Variants in DNTTIP2 observed in about 807,000 individuals in gnomAD.
DNTTIP2 encodes deoxynucleotidyltransferase terminal interacting protein 2, also known as deoxynucleotidyltransferase terminal-interacting protein 2.
Under a neutral mutation model 62.4 loss-of-function variants are expected in DNTTIP2, and 47 were observed. That is an observed-to-expected ratio of 0.75 (90% CI 0.60 to 0.96). DNTTIP2 has a LOEUF of 0.96. DNTTIP2 is among the 40% of genes least tolerant of loss of function. The pLI, the probability that DNTTIP2 is intolerant of heterozygous loss-of-function variation, is 0.00. For missense variants in DNTTIP2, 870 were observed against 849.1 expected (o/e 1.02, Z -0.31); for synonymous variants, 322 against 300.9 (o/e 1.07, Z -0.73).
chr1:93,878,026 G>A, intron 1 of DNTTIP2, 164 bp from the exon 2 acceptor site: 3 of 1,124,258 alleles, frequency 2.7e-6, no homozygotes, highest in South Asian at 3.4e-5. Flanking sequence ...TCAAAATTTG[G>A]CCGGGCGCGG....
rs770179314 is a variant in DNTTIP2, at chr1:93,877,748, TA to T, written c.186del (p.Ala64LeufsTer41). ...TGKQSLIPRT[P>X]KARKRKSRTT... The stretch of plus-strand genomic sequence containing the variant: ...GTTCTGCTCTTCCTCTTTCTAGCTT[TA>T]GGAGTTCTAGGGATTAAACTTTGCT... On this transcript the variant is annotated frameshift_variant, in exon 2 of 7. Transcript: ENST00000436063. LOFTEE classifies it high-confidence loss of function. 31 of 1,613,594 alleles carry T rather than the reference TA, an allele frequency of 1.9e-5. No individual in the cohort carries two copies. The highest frequency in any genetic ancestry group is 2.6e-5 in the Non-Finnish European group (31 of 1,179,888).
At position 93,872,242 on chromosome 1, in the gene DNTTIP2, AT is replaced by A. The variant is rs1655882673; in HGVS notation, c.1903-7del. ...GCTGTTTTTTGTCGTTCTTTCTGAA[AT>A]TATGATTTCAAAAATAAACATTCTA... On this transcript the variant is annotated splice_polypyrimidine_tract_variant and splice_region_variant and intron_variant, in intron 4 of 6. Coordinates refer to ENST00000436063, the MANE Select transcript of DNTTIP2 (RefSeq NM_014597.5). 3 of 1,612,298 alleles carry A rather than the reference AT, an allele frequency of 1.9e-6. No homozygotes were observed. Among genetic ancestry groups the A allele is most frequent in the African/African-American group, 2.7e-5 (2 of 74,898 alleles).
Position 93,876,419 on chromosome 1 carries a change from C to T in DNTTIP2, c.1516G>A (p.Glu506Lys). 6.2e-7 allele frequency: 1 copy of T among 1,611,904 alleles called. No homozygotes were observed. The highest frequency in any genetic ancestry group is 8.5e-7 in the Non-Finnish European group (1 of 1,178,718). ...ACCTCACTTGCCTTGTCTTCCTCTT[C>T]CAAGTAAAAATTTTTATCAGCACTC... ...GMSADKNFYL[E>K]EEDKASEVAI... Residue 506 changes from glutamate to lysine, a missense_variant, in exon 2 of 7, where the codon GAA becomes AAA. Glu to Lys is a moderately conservative substitution (Grantham distance 56). Coordinates refer to ENST00000436063, the MANE Select transcript of DNTTIP2 (RefSeq NM_014597.5).
chr1:93,874,079 G>A (rs1324389903), intron 3 of DNTTIP2, among the ~76,000 whole-genome samples: 6 of 152,222 alleles, frequency 3.9e-5, no homozygotes, highest in East Asian at 1.9e-4. Flanking sequence ...ATAGGTAGCC[G>A]TCTAGGCTTT....
Position 93,868,213 on chromosome 1 carries a change from A to G in DNTTIP2, c.*1638T>C, listed in dbSNP as rs1235114045. Reference sequence around the variant, plus strand: ...GATATGAACAGACACTTCTCAAAAGAAGACATTTATGCAGCCAACAAACAT... The same window carrying G: ...GATATGAACAGACACTTCTCAAAAGGAGACATTTATGCAGCCAACAAACAT... On this transcript the variant is annotated 3_prime_UTR_variant, in exon 7 of 7. Transcript: ENST00000436063. 1 of 152,240 alleles carries G rather than the reference A, an allele frequency of 6.6e-6. No homozygotes were observed. Among genetic ancestry groups the G allele is most frequent in the Admixed American group, 6.5e-5 (1 of 15,286 alleles). 9.4% of individuals were successfully genotyped at this position (152,240 alleles called of 1,614,324 possible).
chr1:93,875,838 A>AT, intron 2 of DNTTIP2, 55 bp from the exon 3 acceptor site: 1 of 1,522,446 alleles, frequency 6.6e-7, no homozygotes. Flanking sequence ...ATGGAAACAT[A>AT]TAAGATGGCA....
rs375856153 is a variant in DNTTIP2, at chr1:93,872,180, C to T, written c.1959G>A (p.Met653Ile). ...TGAGATCATTTTTCAGTTCATTTGT[C>T]ATTTCTGGAGCTTTCATACCAAACC... ...DGWFGMKAPE[M>I]TNELKNDLKA... The change falls in exon 5 of 7, where the codon ATG becomes ATA. Residue 653 changes from methionine to isoleucine, a missense_variant. Met to Ile is a conservative substitution (Grantham distance 10, BLOSUM62 1). Transcript: ENST00000436063. The T allele has an allele frequency of 4.3e-6, 7 of 1,613,732 alleles. No homozygotes were observed. The highest frequency in any genetic ancestry group is 5.9e-6 in the Non-Finnish European group (7 of 1,179,816).
Position 93,875,712 on chromosome 1 carries a change from A to G in DNTTIP2, c.1739T>C (p.Phe580Ser), listed in dbSNP as rs1291355314. The change falls in exon 3 of 7, where the codon TTT becomes TCT. Residue 580 changes from phenylalanine (F) to serine (S), a missense_variant. Physicochemically the swap from Phe to Ser is radical, Grantham distance 155. Transcript: ENST00000436063. ...GTTAGACTGTAGTTTATCTGCATTA[A>G]AATTAATATACAAACCACCCAACTG... Reference protein sequence around the residue: ...IKQLGGLYINFNADKLQSNKR... With the variant: ...IKQLGGLYINSNADKLQSNKR... 1 of 1,613,520 alleles carries G rather than the reference A, an allele frequency of 6.2e-7. No homozygotes were observed. The highest frequency in any genetic ancestry group is 2.2e-5 in the East Asian group (1 of 44,842).
At chr1:93,871,671 C>T (rs1414459148) in intron 5 of DNTTIP2, among the ~76,000 whole-genome samples, 1 of 152,198 alleles carries the variant, frequency 6.6e-6, no homozygotes. Context: ...CATAATTCAT[C>T]ACTGAATGTT....
intron 3 of DNTTIP2, among the ~76,000 whole-genome samples, chr1:93,874,093 A>G (rs1655937822): frequency 1.3e-5 from 2 of 152,256 alleles, no homozygotes; most frequent in African/African-American, 4.8e-5. Context: ...AGGCTTTCCT[A>G]TCACTCATAA....
At position 93,871,973 on chromosome 1, in the gene DNTTIP2, G is replaced by A; in HGVS notation, c.2067+99C>T. Reference sequence around the variant, plus strand: ...GTTCCATACATTAGGCATGCACAATGGAAATATCCTCTATTTTAGGAGTAA... The same window carrying A: ...GTTCCATACATTAGGCATGCACAATAGAAATATCCTCTATTTTAGGAGTAA... On this transcript the variant is annotated intron_variant, in intron 5 of 6. Coordinates refer to ENST00000436063, the MANE Select transcript of DNTTIP2 (RefSeq NM_014597.5). 3.7e-6 allele frequency: 5 copies of A among 1,346,420 alleles called. No homozygotes were observed. In the Admixed American group the frequency reaches 7.9e-5, roughly 21 times the overall value. The allele number at this position is 1,346,420 out of a possible 1,614,324, so 83.4% of individuals were successfully genotyped here.
Position 93,867,432 on chromosome 1 carries a change from A to C in DNTTIP2, c.*2419T>G, listed in dbSNP as rs997149744. On this transcript the variant is annotated 3_prime_UTR_variant, in exon 7 of 7. Coordinates refer to ENST00000436063, the MANE Select transcript of DNTTIP2 (RefSeq NM_014597.5). ...AAACCCCATCTCTACTAAAAATACA[A>C]AAGTTAGCTGGGCATAATGGCATGC... 6.6e-6 allele frequency: 1 copy of C among 151,928 alleles called. No individual in the cohort carries two copies. The highest frequency in any genetic ancestry group is 2.4e-5 in the African/African-American group (1 of 41,336). 9.4% of individuals were successfully genotyped at this position (151,928 alleles called of 1,614,324 possible). A position where few individuals can be genotyped will look rare whatever the true frequency, so the allele number is the denominator to read the frequency against.
rs1334648211 is a variant in DNTTIP2 at position 93,867,770 on chromosome 1, T to C, written c.*2081A>G. ...ACAATTCTCTCATACTGGGTCCTTA[T>C]TTTATCCAGTAGAAGGCAAAACATA... On this transcript the variant is annotated 3_prime_UTR_variant, in exon 7 of 7. Coordinates refer to ENST00000436063, the MANE Select transcript of DNTTIP2 (RefSeq NM_014597.5). 1.3e-5 allele frequency: 2 copies of C among 152,082 alleles called. No individual in the cohort carries two copies. Among genetic ancestry groups the C allele is most frequent in the Non-Finnish European group, 2.9e-5 (2 of 68,026 alleles). The allele number at this position is 152,082 out of a possible 1,614,324, so 9.4% of individuals were successfully genotyped here. A position where few individuals can be genotyped will look rare whatever the true frequency, so the allele number is the denominator to read the frequency against.
chr1:93,869,926 G>C lies in DNTTIP2; in HGVS notation c.2196C>G (p.Tyr732Ter). Residue 732 changes from tyrosine (Y) to a stop codon, truncating the protein, a stop_gained, in exon 7 of 7, where the codon TAC becomes TAG. Coordinates refer to ENST00000436063, the MANE Select transcript of DNTTIP2 (RefSeq NM_014597.5). LOFTEE classifies it high-confidence loss of function. The part of the protein sequence containing the change: ...SEFRRYNRRK[Y>*]SEIMAEKAAN... ...CTGCTTTTTCAGCCATGATCTCTGA[G>C]TACTTCCTTCGGTTGTATCTGAAAA... 1 of 779,862 alleles carries C rather than the reference G, an allele frequency of 1.3e-6. No homozygotes were observed. Among genetic ancestry groups the C allele is most frequent in the South Asian group, 1.3e-5 (1 of 74,518 alleles). The allele number at this position is 779,862 out of a possible 1,614,324, so 48.3% of individuals were successfully genotyped here.
chr1:93,876,333 G>A lies in DNTTIP2; in HGVS notation c.1602C>T (p.Asp534=), dbSNP rs769841995. 16 of 1,553,578 alleles carry A rather than the reference G, an allele frequency of 1.0e-5. No individual in the cohort carries two copies. The highest frequency in any genetic ancestry group is 1.4e-5 in the Non-Finnish European group (16 of 1,147,906). The change falls in exon 2 of 7, where the codon GAC becomes GAT. Residue 534 remains aspartate (D), a synonymous_variant. Coordinates refer to ENST00000436063, the MANE Select transcript of DNTTIP2 (RefSeq NM_014597.5). ...EDEKSEEDSS[D]HDENEDEFSD... is the part of the protein sequence containing the mutation. Reference sequence around the variant, plus strand: ...TAAACTCATCTTCATTTTCGTCATGGTCTGATGAATCTTCTTCACTTTTTT... The same window carrying A: ...TAAACTCATCTTCATTTTCGTCATGATCTGATGAATCTTCTTCACTTTTTT...
chr1:93,877,499 G>A lies in DNTTIP2; in HGVS notation c.436C>T (p.His146Tyr). 6.2e-7 allele frequency: 1 copy of A among 1,613,960 alleles called. No homozygotes were observed. Among genetic ancestry groups the A allele is most frequent in the Non-Finnish European group, 8.5e-7 (1 of 1,179,886 alleles). The stretch of plus-strand genomic sequence containing the variant: ...ACAATTCTAGAAATACCTGAAACAT[G>A]AGATTCTGCTTCAGACACTATTTCT... ...TEEIVSEAES[H>Y]VSGISRIVLP... is the part of the protein sequence containing the mutation. The change falls in exon 2 of 7, where the codon CAT becomes TAT. Residue 146 changes from histidine (H) to tyrosine (Y), a missense_variant. His to Tyr is a moderately conservative substitution (Grantham distance 83, BLOSUM62 2). Transcript: ENST00000436063.
rs376568200 is a variant in DNTTIP2 at position 93,873,198 on chromosome 1, A to T, written c.1823T>A (p.Val608Asp). The change falls in exon 4 of 7, where the codon GTC (valine) becomes GAC (aspartate). Residue 608 changes from valine to aspartate, a missense_variant. Transcript: ENST00000436063. ...KKKNELLQKA[V>D]ITPDFEKNHC... Reference sequence around the variant, plus strand: ...GTTTTTTTCAAAATCAGGTGTAATGACGGCTTTCTGCAGAAGCTATAAAAA... The same window carrying T: ...GTTTTTTTCAAAATCAGGTGTAATGTCGGCTTTCTGCAGAAGCTATAAAAA... 4 of 1,611,864 alleles carry T rather than the reference A, an allele frequency of 2.5e-6. No individual in the cohort carries two copies. The African/African-American group carries it at 5.3e-5, about 22-fold the overall frequency.
At position 93,876,582 on chromosome 1, in the gene DNTTIP2, T is replaced by C; in HGVS notation, c.1353A>G (p.Gln451=). 1 of 1,614,058 alleles carries C rather than the reference T, an allele frequency of 6.2e-7. No homozygotes were observed. The highest frequency in any genetic ancestry group is 8.5e-7 in the Non-Finnish European group (1 of 1,179,898). Reference sequence around the variant, plus strand: ...CTTCATTCTCACTGTTTTCAGACTGTTGGCTTTCATCACTGCTGAGAACTA... The same window carrying C: ...CTTCATTCTCACTGTTTTCAGACTGCTGGCTTTCATCACTGCTGAGAACTA... The part of the protein sequence containing the change: ...VLLVLSSDES[Q]QSENSENEED... The change falls in exon 2 of 7, where the codon CAA becomes CAG. Residue 451 remains glutamine (Q), a synonymous_variant. Coordinates refer to ENST00000436063, the MANE Select transcript of DNTTIP2 (RefSeq NM_014597.5).
intron 1 of DNTTIP2, 25 bp from the exon 2 acceptor site, chr1:93,877,887 T>C (rs1373992062): frequency 6.3e-7 from 1 of 1,587,462 alleles, no homozygotes; most frequent in Non-Finnish European, 8.5e-7. Context: ...AAACACACTG[T>C]AATTTAGGTA....
Sources: gnomAD v4.1 joint callset for allele counts (sites outside exome capture counted in the v4.1 genomes callset) on GRCh38, gnomAD v4.1.1 for gene constraint, MANE v1.5 for transcripts, NCBI Gene and HGNC (gene_info 2026-07-23, HGNC 2026-07-21) for gene names.